Variants in TNNT3 observed in about 807,000 individuals in gnomAD.
The protein encoded by TNNT3 is troponin T, fast skeletal muscle.
A neutral mutation model predicts 54.2 loss-of-function variants in TNNT3; 36 were observed. The ratio of observed to expected loss-of-function variants is 0.66; its 90% CI spans 0.51 to 0.88. The LOEUF (loss-of-function observed/expected upper bound fraction) is 0.88. TNNT3 is among the 40% of genes least tolerant of loss of function. TNNT3 has a pLI of 0.00. For synonymous variants in TNNT3, 120 were observed against 109.7 expected (o/e 1.09, Z -0.59); for missense variants, 291 against 331.6 (o/e 0.88, Z 0.95).
chr11:1,930,806 T>C (rs1853157800), intron 8 of TNNT3, among the ~76,000 whole-genome samples: 1 of 152,252 alleles, frequency 6.6e-6, no homozygotes, highest in South Asian at 2.1e-4. Flanking sequence ...GATCATGAGA[T>C]ATTTTCTCAT....
At chr11:1,923,130 T>C in intron 3 of TNNT3, 69 bp downstream of exon 3, 4 of 1,598,652 alleles carry the variant, frequency 2.5e-6, no homozygotes, top group East Asian at 2.2e-5. Context: ...GGCAGGGGGC[T>C]GGACTGTGCA....
At chr11:1,935,020 C>T in intron 14 of TNNT3, 101 bp downstream of exon 14, 1 of 1,162,222 alleles carries the variant, frequency 8.6e-7, no homozygotes, top group Non-Finnish European at 1.3e-6. Flanking sequence ...CCTGCCCACC[C>T]CAGGGACCTG....
At chr11:1,924,360 G>A (rs567959752) in intron 4 of TNNT3, among the ~76,000 whole-genome samples, 1 of 152,162 alleles carries the variant, frequency 6.6e-6, no homozygotes, top group South Asian at 2.1e-4. Flanking sequence ...GTGGGGTGGC[G>A]GTTCTCAGGC....
chr11:1,933,524 C>T (rs960556633), intron 9 of TNNT3, among the ~76,000 whole-genome samples, 197 bp from the exon 10 acceptor site: 2 of 152,202 alleles, frequency 1.3e-5, no homozygotes, highest in Admixed American at 1.3e-4. Context: ...AGGCCACCCT[C>T]GGCCCCTATG....
At chr11:1,924,324 C>T (rs1248147971) in intron 4 of TNNT3, among the ~76,000 whole-genome samples, 1 of 152,164 alleles carries the variant, frequency 6.6e-6, no homozygotes, top group Non-Finnish European at 1.5e-5. Context: ...CAGGCGTGGG[C>T]GGGTGTGGGC....
At chr11:1,928,921 T>C (rs1435447335) in intron 6 of TNNT3, 199 bp from the exon 7 acceptor site, 2 of 675,232 alleles carry the variant, frequency 3.0e-6, no homozygotes, top group South Asian at 1.6e-5. Context: ...CCCAGCCCCT[T>C]CCACCCCCTC....
intron 8 of TNNT3, among the ~76,000 whole-genome samples, chr11:1,931,405 G>A (rs1853305034): frequency 1.3e-5 from 2 of 152,260 alleles, no homozygotes; most frequent in African/African-American, 2.4e-5. Flanking sequence ...CGTGGGATGT[G>A]AGCGGGTCTG....
At chr11:1,931,635 G>A (rs59594663) in intron 8 of TNNT3, among the ~76,000 whole-genome samples, 2 of 151,230 alleles carry the variant, frequency 1.3e-5, no homozygotes, top group African/African-American at 4.9e-5. Flanking sequence ...TGTTTTCTTA[G>A]TCATCAGTTT....
chr11:1,935,310 G>A (rs1854662865), intron 14 of TNNT3: 2 of 344,902 alleles, frequency 5.8e-6, no homozygotes, highest in Non-Finnish European at 1.1e-5. Flanking sequence ...AGTCCGTCTG[G>A]TGTGGGGCGT....
chr11:1,925,390 C>T (rs539006550), intron 5 of TNNT3: 2 of 1,264,778 alleles, frequency 1.6e-6, no homozygotes, highest in Non-Finnish European at 1.1e-6. Context: ...ACCAGCCAGC[C>T]AAGGGGCCCC....
At chr11:1,928,765 T>A (rs1165115390) in intron 6 of TNNT3, among the ~76,000 whole-genome samples, 6 of 152,138 alleles carry the variant, frequency 3.9e-5, no homozygotes, top group Non-Finnish European at 8.8e-5. Context: ...GGGTCTCAGA[T>A]GCCAAGGTTG....
At chr11:1,934,307 C>T (rs1854304308) in intron 11 of TNNT3, 25 bp from the exon 12 acceptor site, 1 of 1,595,244 alleles carries the variant, frequency 6.3e-7, no homozygotes. Context: ...CATCCCTGAG[C>T]ATCTTGGGAA....
intron 4 of TNNT3, 35 bp from the exon 5 acceptor site, chr11:1,925,064 C>T (rs768376768): frequency 2.2e-5 from 35 of 1,611,558 alleles, no homozygotes; most frequent in African/African-American, 6.7e-5. Flanking sequence ...CCCTCAACCC[C>T]GCCTTCTCCT....
At chr11:1,920,780 G>A (rs904159029) in intron 1 of TNNT3, among the ~76,000 whole-genome samples, 8 of 152,146 alleles carry the variant, frequency 5.3e-5, no homozygotes, top group Non-Finnish European at 1.0e-4. Context: ...CCTGCTTTGC[G>A]TCTCAGCTGT....
chr11:1,925,945 G>C (rs1481465955), intron 5 of TNNT3, among the ~76,000 whole-genome samples: 1 of 152,154 alleles, frequency 6.6e-6, no homozygotes, highest in East Asian at 1.9e-4. Context: ...AAGAACGAGT[G>C]GGCCCCCAGC....
At chr11:1,937,098 G>A in intron 15 of TNNT3, 95 bp downstream of exon 15, 13 of 1,359,758 alleles carry the variant, frequency 9.6e-6, no homozygotes, top group Non-Finnish European at 1.3e-5. Context: ...GTGGTGGCTG[G>A]CCTCGGCAGG....
In TNNT3 at chr11:1,929,161, C is replaced by A. The variant is rs1323285406; in HGVS notation, c.106+18C>A. ...CGCGGAAGGTAAGGGCCCGTCCCTG[C>A]CGCCGGAGGTGCAGGACCCTGGCTC... On this transcript the variant is annotated intron_variant, in intron 7 of 15. Transcript: ENST00000278317. 6.2e-7 allele frequency: 1 copy of A among 1,612,390 alleles called. No homozygotes were observed. The highest frequency in any genetic ancestry group is 1.1e-5 in the South Asian group (1 of 91,090).
chr11:1,938,031 A>G (rs1855668273), intron 15 of TNNT3, among the ~76,000 whole-genome samples: 1 of 152,026 alleles, frequency 6.6e-6, no homozygotes, highest in South Asian at 2.1e-4. Context: ...CCACATGAAG[A>G]CCTCAGACAA....
In TNNT3 at chr11:1,928,848, C is replaced by T. The variant is rs529253914; in HGVS notation, c.83-272C>T. On this transcript the variant is annotated intron_variant, in intron 6 of 15. Coordinates refer to ENST00000278317, the MANE Select transcript of TNNT3 (RefSeq NM_006757.4). ...GTGCCCTTAGCCCCCCACCTTGCCCCGCGAGGTCCCCGTGTCCCTCCTATT... is the reference window on the plus strand; with the variant it reads ...GTGCCCTTAGCCCCCCACCTTGCCCTGCGAGGTCCCCGTGTCCCTCCTATT... 3.1e-4 allele frequency: 171 copies of T among 549,342 alleles called. 1 individual carries two copies. The highest frequency in any genetic ancestry group is 4.7e-4 in the Non-Finnish European group (143 of 301,368). The allele number at this position is 549,342 out of a possible 1,614,324, so 34.0% of individuals were successfully genotyped here. A position where few individuals can be genotyped will look rare whatever the true frequency, so the allele number is the denominator to read the frequency against.
Sources: gnomAD v4.1 joint callset for allele counts (sites outside exome capture counted in the v4.1 genomes callset) on GRCh38, gnomAD v4.1.1 for gene constraint, MANE v1.5 for transcripts, NCBI Gene and HGNC (gene_info 2026-07-23, HGNC 2026-07-21) for gene names.